The following DCC variants were observed in gnomAD, a reference collection of about 807,000 sequenced individuals.
The protein encoded by DCC is DCC netrin 1 receptor.
Under a neutral mutation model 172.5 loss-of-function variants are expected in DCC, and 58 were observed. The observed-to-expected ratio is 0.34, with a 90% confidence interval of 0.27 to 0.42. DCC has a LOEUF of 0.42. Among genes scored for constraint, DCC ranks in the 10% least tolerant of loss-of-function variants. DCC has a pLI of 1.00. For missense variants in DCC, 1,740 were observed against 1,791.0 expected, an observed-to-expected ratio of 0.97 and a Z score of 0.51; for synonymous variants, 709 against 644.5, an observed-to-expected ratio of 1.10 and a Z score of -1.52.
intron 27 of DCC, among the ~76,000 whole-genome samples, chr18:53,506,553 C>G (rs973959513): frequency 6.6e-6 from 1 of 151,930 alleles, no homozygotes; most frequent in Non-Finnish European, 1.5e-5. Context: ...GAATAGAATT[C>G]TCTGCGTTCA....
At chr18:53,277,017 C>T (rs551373986) in intron 12 of DCC, among the ~76,000 whole-genome samples, 1 of 151,798 alleles carries the variant, frequency 6.6e-6, no homozygotes, top group Non-Finnish European at 1.5e-5. Flanking sequence ...AAAGAAGAGG[C>T]AATGAAGAAA....
At chr18:52,342,780 A>G (rs1983711249) in intron 1 of DCC, among the ~76,000 whole-genome samples, 1 of 152,206 alleles carries the variant, frequency 6.6e-6, no homozygotes, top group Admixed American at 6.5e-5. Flanking sequence ...TTTTAAAGCT[A>G]TTACTCAAGT....
Position 52,526,241 on chromosome 18 carries a change from T to C in DCC, c.91+185363T>C, listed in dbSNP as rs541355459. ...GGAGAGAAAGAAGGGAGAGTGTGTG[T>C]CAGATAAAAGAAAGCAGAGCTTGGA... On this transcript the variant is annotated intron_variant, in intron 1 of 28. Coordinates refer to ENST00000442544, the MANE Select transcript of DCC (RefSeq NM_005215.4). Among the ~76,000 whole-genome samples, 3 of 152,164 alleles carry C rather than the reference T, an allele frequency of 2.0e-5. No individual in the cohort carries two copies. The East Asian group carries it at 5.8e-4, about 29-fold the overall frequency.
rs11082927 is a variant in DCC at position 52,470,132 on chromosome 18, C to T, written c.91+129254C>T. Among the ~76,000 whole-genome samples the T allele has an allele frequency of 6.6e-5, 10 of 152,028 alleles. No homozygotes were observed. The East Asian group carries it at 1.4e-3, about 21-fold the overall frequency. On this transcript the variant is annotated intron_variant, in intron 1 of 28. Transcript: ENST00000442544. ...GAATATTTAGAAATGTATAAAATGC[C>T]GGAAATAGATGGGAAAAATTATCTT...
chr18:52,989,847 A>G (rs1360364553), intron 5 of DCC, among the ~76,000 whole-genome samples: 1 of 152,152 alleles, frequency 6.6e-6, no homozygotes, highest in Non-Finnish European at 1.5e-5. Context: ...TATCAAAGCC[A>G]TGTAGGGACC....
At chr18:52,416,927 G>A (rs959449879) in intron 1 of DCC, among the ~76,000 whole-genome samples, 1 of 151,908 alleles carries the variant, frequency 6.6e-6, no homozygotes, top group Non-Finnish European at 1.5e-5. Flanking sequence ...GATGTTAGCT[G>A]GTTATTTTGC....
At chr18:52,709,025 G>C (rs911055760) in intron 1 of DCC, among the ~76,000 whole-genome samples, 1 of 152,046 alleles carries the variant, frequency 6.6e-6, no homozygotes, top group Non-Finnish European at 1.5e-5. Context: ...TTTATTTCTG[G>C]CAATCTTTTC....
chr18:52,716,926 C>T (rs2036393250), intron 1 of DCC, among the ~76,000 whole-genome samples: 1 of 152,288 alleles, frequency 6.6e-6, no homozygotes, highest in South Asian at 2.1e-4. Flanking sequence ...AGGATGGGCT[C>T]ACAGATGGGA....
chr18:52,498,551 G>A (rs369263414), intron 1 of DCC, among the ~76,000 whole-genome samples: 11 of 152,066 alleles, frequency 7.2e-5, no homozygotes, highest in Admixed American at 5.9e-4. Context: ...TTGAGCCCAG[G>A]AGGCAGAAGT....
intron 13 of DCC, among the ~76,000 whole-genome samples, chr18:53,317,369 G>C (rs2057356083): frequency 6.6e-6 from 1 of 152,172 alleles, no homozygotes; most frequent in African/African-American, 2.4e-5. Context: ...ATATACTGCT[G>C]GATTCGGTTT....
chr18:53,474,229 A>G lies in DCC; in HGVS notation c.3736+6219A>G, dbSNP rs552175362. Among the ~76,000 whole-genome samples, 194 of 152,324 alleles carry G rather than the reference A, an allele frequency of 1.3e-3. 1 individual carries two copies. Among genetic ancestry groups the G allele is most frequent in the African/African-American group, 4.5e-3 (186 of 41,584 alleles). ...TTATTTGTAATATCACATCTTCATT[A>G]CAATAGATGAATATAGTATATTCAT... On this transcript the variant is annotated intron_variant, in intron 25 of 28. Transcript: ENST00000442544.
chr18:53,041,654 T>TTGTG (rs2042170617), intron 5 of DCC, among the ~76,000 whole-genome samples: 1 of 152,118 alleles, frequency 6.6e-6, no homozygotes, highest in Non-Finnish European at 1.5e-5. Context: ...GAGCATGGAC[T>TTGTG]ATTTTTCCAT....
chr18:52,909,286 A>G (rs889810226), intron 3 of DCC, among the ~76,000 whole-genome samples: 2 of 152,168 alleles, frequency 1.3e-5, no homozygotes, highest in Admixed American at 1.3e-4. Flanking sequence ...ATATACAAAC[A>G]TCATATTATT....
intron 12 of DCC, among the ~76,000 whole-genome samples, chr18:53,299,474 C>G (rs1404345592): frequency 6.6e-6 from 1 of 152,172 alleles, no homozygotes; most frequent in East Asian, 1.9e-4. Context: ...GTTTTAAATA[C>G]CATTCCCAAC....
intron 12 of DCC, among the ~76,000 whole-genome samples, chr18:53,265,736 C>T (rs1257113719): frequency 6.6e-6 from 1 of 152,222 alleles, no homozygotes; most frequent in Non-Finnish European, 1.5e-5. Context: ...CAGCTCCGAT[C>T]TGTTATCTAG....
intron 1 of DCC, among the ~76,000 whole-genome samples, chr18:52,457,697 T>C (rs1452260358): frequency 6.6e-6 from 1 of 152,198 alleles, no homozygotes; most frequent in Non-Finnish European, 1.5e-5. Context: ...TATTTTTAAA[T>C]GTGGATTTCA....
chr18:53,257,004 C>T (rs2056525899), intron 12 of DCC, among the ~76,000 whole-genome samples: 1 of 152,100 alleles, frequency 6.6e-6, no homozygotes, highest in South Asian at 2.1e-4. Flanking sequence ...CATGATTTGG[C>T]TCTCTGTTTG....
intron 1 of DCC, among the ~76,000 whole-genome samples, chr18:52,378,565 G>A (rs1985453046): frequency 6.6e-6 from 1 of 152,014 alleles, no homozygotes; most frequent in Non-Finnish European, 1.5e-5. Context: ...TTGAGAGAGA[G>A]AGAGAAAATC....
In DCC at chr18:52,915,698, A is replaced by C. The variant is rs556955582; in HGVS notation, c.698-8009A>C. On this transcript the variant is annotated intron_variant, in intron 3 of 28. Transcript: ENST00000442544. The stretch of plus-strand genomic sequence containing the variant: ...AGTAATTGAACATATTTAATTTTGC[A>C]CTATCTTCTCAAAGGCAAAATAAGA... Among the ~76,000 whole-genome samples, 15 of 152,226 alleles carry C rather than the reference A, an allele frequency of 9.9e-5. 1 individual carries two copies. Among genetic ancestry groups the C allele is most frequent in the African/African-American group, 3.6e-4 (15 of 41,544 alleles).
Sources: gnomAD v4.1 joint callset for allele counts (sites outside exome capture counted in the v4.1 genomes callset) on GRCh38, gnomAD v4.1.1 for gene constraint, MANE v1.5 for transcripts, NCBI Gene and HGNC (gene_info 2026-07-23, HGNC 2026-07-21) for gene names.